CNTLN: variants seen among roughly 807,000 people sequenced by gnomAD.
CNTLN encodes centlein, also known as centlein, centrosomal protein.
CNTLN carries 212 observed loss-of-function variants against 180.0 expected under a neutral mutation model. That is an observed-to-expected ratio of 1.18 (90% CI 1.05 to 1.32). The LOEUF is 1.32. Among genes scored for constraint, CNTLN ranks in the 40% most tolerant of loss-of-function variants. The pLI is 0.00. For synonymous variants in CNTLN, 722 were observed against 563.1 expected, an observed-to-expected ratio of 1.28 and a Z score of -3.99; for missense variants, 2,095 against 1,610.9, an observed-to-expected ratio of 1.30 and a Z score of -5.14.
chr9:17,211,665 T>C (rs1162717211), intron 2 of CNTLN, among the ~76,000 whole-genome samples: 4 of 152,208 alleles, frequency 2.6e-5, no homozygotes, highest in Admixed American at 2.6e-4. Context: ...ATTTTCACAA[T>C]ATTGATTCTT....
intron 2 of CNTLN, among the ~76,000 whole-genome samples, chr9:17,184,788 C>A (rs1821332061): frequency 6.6e-6 from 1 of 152,140 alleles, no homozygotes; most frequent in African/African-American, 2.4e-5. Context: ...TTGAAATGAA[C>A]ACGTCTTTAT....
At chr9:17,464,354 G>C in intron 20 of CNTLN, 143 bp from the exon 21 acceptor site, 1 of 614,466 alleles carries the variant, frequency 1.6e-6, no homozygotes, top group Non-Finnish European at 2.8e-6. Flanking sequence ...CTTATGCAGT[G>C]CAATTCATTT....
chr9:17,454,053 C>A (rs1213724449), intron 18 of CNTLN, among the ~76,000 whole-genome samples: 2 of 152,064 alleles, frequency 1.3e-5, no homozygotes, highest in African/African-American at 4.8e-5. Flanking sequence ...TTTCTGGGTC[C>A]CATACAAGGG....
At chr9:17,152,981 C>G (rs1818997184) in intron 2 of CNTLN, among the ~76,000 whole-genome samples, 1 of 151,428 alleles carries the variant, frequency 6.6e-6, no homozygotes. Flanking sequence ...GATTGCAACT[C>G]CTGCTTTTTT....
chr9:17,347,063 G>A (rs1821956207), intron 12 of CNTLN, among the ~76,000 whole-genome samples: 1 of 152,038 alleles, frequency 6.6e-6, no homozygotes, highest in Non-Finnish European at 1.5e-5. Flanking sequence ...TTTCCATTGG[G>A]TTCTTCTTTA....
chr9:17,367,817 C>G (rs1299045630), intron 13 of CNTLN, among the ~76,000 whole-genome samples: 2 of 152,036 alleles, frequency 1.3e-5, no homozygotes. Context: ...GACTGAAGAG[C>G]CCTTGGGCCC....
intron 8 of CNTLN, among the ~76,000 whole-genome samples, chr9:17,327,585 TC>T (rs1439070785): frequency 1.3e-5 from 2 of 152,008 alleles, no homozygotes; most frequent in Non-Finnish European, 2.9e-5. Context: ...TATTTATATT[TC>T]CCTTACCTAT....
At chr9:17,444,883 C>T (rs1830310877) in intron 18 of CNTLN, among the ~76,000 whole-genome samples, 1 of 152,104 alleles carries the variant, frequency 6.6e-6, no homozygotes, top group Admixed American at 6.6e-5. Context: ...AATAGCTTTT[C>T]AGTGAAATCT....
chr9:17,389,396 T>C (rs1442767769), intron 14 of CNTLN, among the ~76,000 whole-genome samples: 1 of 152,144 alleles, frequency 6.6e-6, no homozygotes, highest in Non-Finnish European at 1.5e-5. Flanking sequence ...ATAATTTTTG[T>C]ATCTATGGAT....
chr9:17,299,019 G>A (rs35884270), intron 7 of CNTLN: 177,365 of 724,002 alleles, frequency 0.24, 21,884 homozygotes, highest in South Asian at 0.36. Context: ...TGAGGCGGGC[G>A]AATCACAAGG....
the CNTLN span, among the ~76,000 whole-genome samples, chr9:17,513,471 A>T: frequency 6.6e-6 from 1 of 152,024 alleles, no homozygotes; most frequent in Non-Finnish European, 1.5e-5. Flanking sequence ...CCAGGCGGGC[A>T]GCTCATTTGA....
At chr9:17,303,378 C>T (rs374682162) in intron 7 of CNTLN, among the ~76,000 whole-genome samples, 4 of 152,254 alleles carry the variant, frequency 2.6e-5, no homozygotes, top group African/African-American at 9.6e-5. Flanking sequence ...CAGAAGATTT[C>T]ATTGCTCTCT....
At chr9:17,147,740 A>G (rs761484340) in intron 2 of CNTLN, among the ~76,000 whole-genome samples, 4 of 152,206 alleles carry the variant, frequency 2.6e-5, no homozygotes, top group Non-Finnish European at 4.4e-5. Flanking sequence ...TTAGGGTTAT[A>G]GTATATTCTA....
intron 1 of CNTLN, among the ~76,000 whole-genome samples, chr9:17,140,742 T>C (rs935931493): frequency 3.9e-5 from 6 of 152,184 alleles, no homozygotes; most frequent in Non-Finnish European, 8.8e-5. Context: ...CTCGCCCTAA[T>C]GGTTATGTTA....
intron 2 of CNTLN, among the ~76,000 whole-genome samples, chr9:17,176,746 A>G (rs566709119): frequency 2.4e-4 from 36 of 152,310 alleles, no homozygotes; most frequent in African/African-American, 7.0e-4. Flanking sequence ...CAAATTGCCA[A>G]TTCGCTTTCC....
intron 2 of CNTLN, among the ~76,000 whole-genome samples, chr9:17,200,975 A>C (rs1404733777): frequency 6.6e-6 from 1 of 152,210 alleles, no homozygotes. Flanking sequence ...GATTTGTCAT[A>C]AATAGCTCTT....
chr9:17,342,352 A>G lies in CNTLN; in HGVS notation c.1794A>G (p.Ala598=). 7.4e-6 allele frequency: 12 copies of G among 1,612,516 alleles called. No individual in the cohort carries two copies. Among genetic ancestry groups the G allele is most frequent in the Non-Finnish European group, 1.0e-5 (12 of 1,179,350 alleles). The part of the protein sequence containing the change: ...GMTEIRKIKR[A]DPQQLRQEDS... ...CTGAAATCAGGAAAATAAAGAGAGC[A>G]GATCCCCAACAACTTCGACAAGAAG... The change falls in exon 12 of 26, where the codon GCA becomes GCG. Residue 598 remains alanine, a synonymous_variant. Coordinates refer to ENST00000380647, the MANE Select transcript of CNTLN (RefSeq NM_017738.4).
chr9:17,318,399 G>C (rs1819679612), intron 8 of CNTLN, among the ~76,000 whole-genome samples: 1 of 152,176 alleles, frequency 6.6e-6, no homozygotes, highest in South Asian at 2.1e-4. Context: ...GCAAGGAAGA[G>C]AGGAGGGAGA....
intron 23 of CNTLN, among the ~76,000 whole-genome samples, chr9:17,481,620 C>T (rs939058961): frequency 6.6e-6 from 1 of 152,182 alleles, no homozygotes; most frequent in African/African-American, 2.4e-5. Flanking sequence ...GTCCAACCAG[C>T]AGCAATATTT....
Sources: allele counts gnomAD v4.1 joint callset (sites outside exome capture counted in the v4.1 genomes callset), GRCh38; gene constraint gnomAD v4.1.1; transcripts MANE v1.5; gene names NCBI Gene and HGNC (gene_info 2026-07-23, HGNC 2026-07-21).